Variants in ESF1 observed in about 807,000 individuals in gnomAD.
ESF1 encodes the protein ESF1 homolog.
Under a neutral mutation model 92.0 loss-of-function variants are expected in ESF1, and 58 were observed. The ratio of observed to expected loss-of-function variants is 0.63; its 90% CI spans 0.51 to 0.78. The LOEUF is 0.78. Ranked by LOEUF, ESF1 falls within the 30% of genes least tolerant of loss-of-function variation. ESF1 has a pLI of 0.00. For synonymous variants in ESF1, 321 were observed against 313.7 expected (o/e 1.02, Z -0.24); for missense variants, 922 against 989.1 (o/e 0.93, Z 0.91).
intron 4 of ESF1, 37 bp from the exon 5 acceptor site, chr20:13,772,652 A>C (rs1012132322): frequency 1.4e-6 from 2 of 1,414,888 alleles, no homozygotes; most frequent in Non-Finnish European, 2.0e-6. Flanking sequence ...TAATTTGTAC[A>C]TTCCTTTACA....
At chr20:13,727,932 T>C (rs924759838) in intron 11 of ESF1, among the ~76,000 whole-genome samples, 6 of 152,224 alleles carry the variant, frequency 3.9e-5, no homozygotes, top group African/African-American at 1.4e-4. Context: ...ATTATACACA[T>C]ATCAACATGC....
At chr20:13,742,944 A>T (rs2050024968) in intron 9 of ESF1, among the ~76,000 whole-genome samples, 1 of 152,178 alleles carries the variant, frequency 6.6e-6, no homozygotes, top group Non-Finnish European at 1.5e-5. Context: ...CCTGTTCTGG[A>T]TACTTTTGAT....
At chr20:13,780,337 T>G (rs149143301) in intron 2 of ESF1, among the ~76,000 whole-genome samples, 2,269 of 152,380 alleles carry the variant, frequency 0.015, 40 homozygotes, top group Middle Eastern at 0.048. Flanking sequence ...ATTAATTCAG[T>G]GCCCCAAATG....
chr20:13,770,490 G>A (rs1049476752), intron 6 of ESF1, among the ~76,000 whole-genome samples: 48 of 152,242 alleles, frequency 3.2e-4, no homozygotes, highest in Middle Eastern at 6.8e-3. Flanking sequence ...ACAGGTGTGC[G>A]CCAACATGCC....
Position 13,743,933 on chromosome 20 carries a change from A to G in ESF1, c.1829-10091T>C, listed in dbSNP as rs6131517. Among the ~76,000 whole-genome samples the G allele has an allele frequency of 3.9e-4, 60 of 152,350 alleles. No homozygotes were observed. In the East Asian group the frequency reaches 0.011, roughly 28 times the overall value. On this transcript the variant is annotated intron_variant, in intron 9 of 13. Transcript: ENST00000617257. ...TAAATATTTTTAAAAAACTATATAC[A>G]ATGGAAAGTAAATGAATAAATACTG... is the stretch of plus-strand genomic sequence containing the variant.
chr20:13,727,402 G>C (rs1170629102), intron 11 of ESF1, among the ~76,000 whole-genome samples: 1 of 152,104 alleles, frequency 6.6e-6, no homozygotes, highest in Non-Finnish European at 1.5e-5. Flanking sequence ...TAACAATCAG[G>C]AAGTAATTTT....
At chr20:13,724,120 CCCTGTCTCTACTAAAAA>C (rs1286821659) in intron 11 of ESF1, among the ~76,000 whole-genome samples, 1 of 152,088 alleles carries the variant, frequency 6.6e-6, no homozygotes, top group Non-Finnish European at 1.5e-5. Context: ...CATGGTGAAA[CCCTGTCTCTACTAAAAA>C]TACAAAAATT....
chr20:13,719,148 A>T (rs2049850975), intron 11 of ESF1, among the ~76,000 whole-genome samples, 164 bp from the exon 12 acceptor site: 1 of 152,160 alleles, frequency 6.6e-6, no homozygotes, highest in South Asian at 2.1e-4. Flanking sequence ...CTGTGGGTAT[A>T]TGAATGGAAT....
Position 13,715,186 on chromosome 20 carries a change from A to T in ESF1, c.2263-19T>A, listed in dbSNP as rs1164823913. Reference sequence around the variant, plus strand: ...CATTTACCTGCAAATCCAAAAAAAAAAAAAATTAATAAATTAATTAAACAA... The same window carrying T: ...CATTTACCTGCAAATCCAAAAAAAATAAAAATTAATAAATTAATTAAACAA... On this transcript the variant is annotated intron_variant, in intron 13 of 13. Coordinates refer to ENST00000617257, the MANE Select transcript of ESF1 (RefSeq NM_001276380.2). 1.3e-6 allele frequency: 2 copies of T among 1,487,988 alleles called. No individual in the cohort carries two copies. The highest frequency in any genetic ancestry group is 2.8e-5 in the African/African-American group (2 of 70,394). 92.2% of individuals were successfully genotyped at this position (1,487,988 alleles called of 1,614,324 possible).
At chr20:13,769,792 AAAT>A (rs1395850579) in intron 7 of ESF1, 112 bp downstream of exon 7, 3 of 771,250 alleles carry the variant, frequency 3.9e-6, no homozygotes, top group African/African-American at 3.6e-5. Flanking sequence ...TCTCAAGAAA[AAAT>A]AATAACAAAA....
chr20:13,732,290 GTCT>G (rs2049948329), intron 10 of ESF1, among the ~76,000 whole-genome samples: 1 of 152,172 alleles, frequency 6.6e-6, no homozygotes, highest in Non-Finnish European at 1.5e-5. Context: ...GGTCACAGAA[GTCT>G]TCTTCTGTGT....
intron 12 of ESF1, among the ~76,000 whole-genome samples, chr20:13,718,227 C>G (rs1418240614): frequency 2.0e-5 from 3 of 152,152 alleles, no homozygotes; most frequent in African/African-American, 7.2e-5. Flanking sequence ...TTTTAGCTGG[C>G]TTTTCAGAGA....
intron 10 of ESF1, among the ~76,000 whole-genome samples, chr20:13,733,520 T>C (rs2049956944): frequency 6.6e-6 from 1 of 152,250 alleles, no homozygotes; most frequent in South Asian, 2.1e-4. Flanking sequence ...CTCTGGACTG[T>C]GACCAGGCTT....
intron 9 of ESF1, among the ~76,000 whole-genome samples, chr20:13,748,614 G>A (rs1392648684): frequency 2.2e-5 from 3 of 137,480 alleles, no homozygotes; most frequent in Non-Finnish European, 4.6e-5. Context: ...TTGAGATGGA[G>A]TGTTGCTCTG....
intron 6 of ESF1, 99 bp from the exon 7 acceptor site, chr20:13,770,120 TTTC>T: frequency 1.5e-6 from 1 of 657,622 alleles, no homozygotes; most frequent in Non-Finnish European, 2.6e-6. Flanking sequence ...ATACACAAAC[TTTC>T]TAAAAGACAC....
intron 4 of ESF1, among the ~76,000 whole-genome samples, chr20:13,774,473 G>A (rs886392713): frequency 6.6e-6 from 1 of 152,168 alleles, no homozygotes; most frequent in Non-Finnish European, 1.5e-5. Flanking sequence ...AATGATTGAG[G>A]GCAGGGCTAT....
chr20:13,776,199 C>T lies in ESF1; in HGVS notation c.709G>A (p.Asp237Asn), dbSNP rs761656816. The T allele has an allele frequency of 9.3e-6, 15 of 1,613,722 alleles. No homozygotes were observed. The African/African-American group carries it at 1.9e-4, about 20-fold the overall frequency. The change falls in exon 3 of 14, where the codon GAT (aspartate) becomes AAT (asparagine). Residue 237 changes from aspartate to asparagine, a missense_variant. Transcript: ENST00000617257. ...NSTDGEMCDKDALEEDSESVS... is the reference protein window; with the variant it reads ...NSTDGEMCDKNALEEDSESVS... ...CTTTCTGAATCTTCCTCCAGAGCAT[C>T]TTTGTCACACATTTCACCATCTGTT...
intron 9 of ESF1, among the ~76,000 whole-genome samples, chr20:13,735,063 T>A (rs2049967588): frequency 6.6e-6 from 1 of 152,094 alleles, no homozygotes; most frequent in Admixed American, 6.6e-5. Flanking sequence ...TGGTTCCTTA[T>A]CTGCAAAATG....
chr20:13,766,985 T>A, intron 7 of ESF1, 61 bp from the exon 8 acceptor site: 1 of 1,526,392 alleles, frequency 6.6e-7, no homozygotes, highest in Non-Finnish European at 8.9e-7. Flanking sequence ...TCAAACTTGT[T>A]AAAGAATATA....
Sources: gnomAD v4.1 joint callset for allele counts (sites outside exome capture counted in the v4.1 genomes callset) on GRCh38, gnomAD v4.1.1 for gene constraint, MANE v1.5 for transcripts, NCBI Gene and HGNC (gene_info 2026-07-23, HGNC 2026-07-21) for gene names.